LDLRAD3: variants seen among roughly 807,000 people sequenced by gnomAD.
LDLRAD3 encodes the protein low density lipoprotein receptor class A domain containing 3, also known as low-density lipoprotein receptor class A domain-containing protein 3.
In LDLRAD3, 20 loss-of-function variants were observed where a neutral mutation model predicts 29.4. The ratio of observed to expected loss-of-function variants is 0.68; its 90% CI spans 0.48 to 0.99. LDLRAD3 has a LOEUF of 0.99. LDLRAD3 is among the 50% of genes least tolerant of loss of function. The pLI is 0.00. For missense variants in LDLRAD3, 420 were observed against 454.3 expected (o/e 0.92, Z 0.69); for synonymous variants, 157 against 192.7 (o/e 0.81, Z 1.53).
intron 1 of LDLRAD3, among the ~76,000 whole-genome samples, chr11:35,963,111 A>G (rs7947891): frequency 0.026 from 4,006 of 152,280 alleles, 89 homozygotes; most frequent in Middle Eastern, 0.075. Flanking sequence ...ATGCCATTTT[A>G]TTAAAATTTT....
intron 1 of LDLRAD3, among the ~76,000 whole-genome samples, chr11:35,972,074 A>G (rs758093803): frequency 2.6e-5 from 4 of 152,136 alleles, no homozygotes; most frequent in Non-Finnish European, 4.4e-5. Flanking sequence ...AGATCTGGGC[A>G]GGGATGGGGA....
intron 1 of LDLRAD3, among the ~76,000 whole-genome samples, chr11:35,993,599 T>A (rs1348629486): frequency 6.6e-5 from 10 of 151,802 alleles, no homozygotes; most frequent in Non-Finnish European, 1.3e-4. Context: ...TGGTGTTCTC[T>A]TGCAGCTCTG....
At chr11:36,199,213 T>A (rs939133267) in intron 4 of LDLRAD3, among the ~76,000 whole-genome samples, 2 of 152,206 alleles carry the variant, frequency 1.3e-5, no homozygotes, top group Non-Finnish European at 1.5e-5. Flanking sequence ...GCACCTTATT[T>A]CTTAAAATAC....
At chr11:36,038,287 A>G (rs774402382) in intron 2 of LDLRAD3, among the ~76,000 whole-genome samples, 4 of 152,328 alleles carry the variant, frequency 2.6e-5, no homozygotes, top group Middle Eastern at 3.4e-3. Context: ...TACTAGAGCT[A>G]TAACATTAGT....
chr11:36,148,924 G>A (rs1854235656), intron 4 of LDLRAD3, among the ~76,000 whole-genome samples: 4 of 152,216 alleles, frequency 2.6e-5, no homozygotes. Context: ...TGCTCTAGGA[G>A]AGACAAATGA....
intron 4 of LDLRAD3, among the ~76,000 whole-genome samples, chr11:36,218,085 C>T (rs1481245758): frequency 6.6e-6 from 1 of 152,138 alleles, no homozygotes; most frequent in Non-Finnish European, 1.5e-5. Flanking sequence ...TAAAACACAT[C>T]AGATATTAAT....
At chr11:36,178,584 C>T (rs1321510928) in intron 4 of LDLRAD3, among the ~76,000 whole-genome samples, 1 of 152,000 alleles carries the variant, frequency 6.6e-6, no homozygotes, top group Admixed American at 6.5e-5. Flanking sequence ...GGACATATAC[C>T]CCACCTCTAT....
intron 1 of LDLRAD3, among the ~76,000 whole-genome samples, chr11:36,006,108 A>G (rs1004642369): frequency 3.3e-5 from 5 of 152,154 alleles, no homozygotes; most frequent in Admixed American, 3.3e-4. Context: ...TCCTCATCCC[A>G]CAGGAAATAT....
intron 4 of LDLRAD3, among the ~76,000 whole-genome samples, chr11:36,177,695 C>T (rs981651846): frequency 9.2e-5 from 14 of 152,164 alleles, no homozygotes; most frequent in Non-Finnish European, 1.8e-4. Flanking sequence ...CGTCTCTCAG[C>T]CGTGGATACC....
intron 4 of LDLRAD3, among the ~76,000 whole-genome samples, chr11:36,098,890 T>G (rs1280623342): frequency 5.3e-5 from 8 of 152,198 alleles, no homozygotes; most frequent in Non-Finnish European, 1.2e-4. Flanking sequence ...AGCTGTGTTT[T>G]TTTTTCTTTT....
At chr11:36,034,106 C>A (rs1852274275) in intron 1 of LDLRAD3, among the ~76,000 whole-genome samples, 1 of 152,146 alleles carries the variant, frequency 6.6e-6, no homozygotes, top group Non-Finnish European at 1.5e-5. Context: ...GTGTGTCTAT[C>A]AACATCCACT....
At chr11:36,061,098 A>C (rs532304358) in intron 2 of LDLRAD3, among the ~76,000 whole-genome samples, 1 of 151,956 alleles carries the variant, frequency 6.6e-6, no homozygotes, top group Non-Finnish European at 1.5e-5. Flanking sequence ...ATTTAGTAAG[A>C]GTGTCTTCTT....
chr11:36,033,967 A>G (rs1852272665), intron 1 of LDLRAD3, among the ~76,000 whole-genome samples: 1 of 152,152 alleles, frequency 6.6e-6, no homozygotes, highest in Non-Finnish European at 1.5e-5. Flanking sequence ...ATACCTTTGC[A>G]TTTCCTAACA....
chr11:35,979,336 G>A (rs774370785), intron 1 of LDLRAD3, among the ~76,000 whole-genome samples: 6 of 152,142 alleles, frequency 3.9e-5, no homozygotes, highest in South Asian at 2.1e-4. Flanking sequence ...CTTAGCTGCC[G>A]TTCCATATTT....
intron 2 of LDLRAD3, among the ~76,000 whole-genome samples, chr11:36,076,443 G>A (rs902972376): frequency 1.1e-4 from 17 of 151,700 alleles, no homozygotes; most frequent in Non-Finnish European, 2.2e-4. Flanking sequence ...CTGGAGTGCA[G>A]TGGCACAATC....
In LDLRAD3 at chr11:36,229,160, G is replaced by A. The variant is rs778689642; in HGVS notation, c.801G>A (p.Arg267=). Residue 267 remains arginine, a splice_region_variant and synonymous_variant, in exon 6 of 6, where the codon AGG becomes AGA. Coordinates refer to ENST00000315571, the MANE Select transcript of LDLRAD3 (RefSeq NM_174902.4). ...TGCCCCCCTGCTGTCCCCATCACAG[G>A]CCTGCGTGGTATGACCTTCCTCCAC... is the stretch of plus-strand genomic sequence containing the variant. ...PSYSEALLDQ[R]PAWYDLPPPP... 1.2e-6 allele frequency: 2 copies of A among 1,612,478 alleles called. No homozygotes were observed. Among genetic ancestry groups the A allele is most frequent in the Admixed American group, 1.7e-5 (1 of 59,990 alleles).
chr11:36,229,117 T>C lies in LDLRAD3; in HGVS notation c.801-43T>C, dbSNP rs369173678. The C allele has an allele frequency of 1.1e-5, 15 of 1,364,108 alleles. No individual in the cohort carries two copies. The African/African-American group carries it at 1.8e-4, about 17-fold the overall frequency. The allele number at this position is 1,364,108 out of a possible 1,614,324, so 84.5% of individuals were successfully genotyped here. A position where few individuals can be genotyped will look rare whatever the true frequency, so the allele number is the denominator to read the frequency against. On this transcript the variant is annotated intron_variant, in intron 5 of 5. Transcript: ENST00000315571. ...TTGGCCCTAATGTGTTCTCTTCTCT[T>C]CCTGTCTCCATTGCCCCTGCCCCCC...
intron 4 of LDLRAD3, among the ~76,000 whole-genome samples, chr11:36,218,991 G>A (rs1363601309): frequency 6.6e-6 from 1 of 152,222 alleles, no homozygotes; most frequent in Non-Finnish European, 1.5e-5. Flanking sequence ...ACAAGCATAG[G>A]GAGCAGTTTT....
At chr11:35,991,867 T>TGTGTGTGTGTG (rs1565147663) in intron 1 of LDLRAD3, among the ~76,000 whole-genome samples, 79 of 82,770 alleles carry the variant, frequency 9.5e-4, no homozygotes, top group Middle Eastern at 5.8e-3. Context: ...GAATGGTTGT[T>TGTGTGTGTGTG]TGTGTGTGTG....
Sources: allele counts gnomAD v4.1 joint callset (sites outside exome capture counted in the v4.1 genomes callset), GRCh38; gene constraint gnomAD v4.1.1; transcripts MANE v1.5; gene names NCBI Gene and HGNC (gene_info 2026-07-23, HGNC 2026-07-21).